PLSCR5: variants seen among roughly 807,000 people sequenced by gnomAD.
PLSCR5 encodes the protein phospholipid scramblase family member 5.
PLSCR5 carries 44 observed loss-of-function variants against 33.6 expected under a neutral mutation model. The observed-to-expected ratio is 1.31, with a 90% CI of 1.03 to 1.69. The LOEUF (loss-of-function observed/expected upper bound fraction) is 1.69, where lower values mean the gene tolerates loss of function less well. Among genes scored for constraint, PLSCR5 ranks in the 40% most tolerant of loss-of-function variants. PLSCR5 has a pLI of 0.00. For missense variants in PLSCR5, 375 were observed against 318.7 expected, an observed-to-expected ratio of 1.18 and a Z score of -1.34; for synonymous variants, 148 against 112.3, an observed-to-expected ratio of 1.32 and a Z score of -2.01.
At position 146,586,322 on chromosome 3, in the gene PLSCR5, A is replaced by G. The variant is rs144017577; in HGVS notation, c.778-210T>C. Reference sequence around the variant, plus strand: ...AATTTTCAGAGTATAAGTAACTTAGAAACCCTATCTGAATCTGCATGGTAT... The same window carrying G: ...AATTTTCAGAGTATAAGTAACTTAGGAACCCTATCTGAATCTGCATGGTAT... On this transcript the variant is annotated intron_variant, in intron 6 of 7. Transcript: ENST00000443512. Among the ~76,000 whole-genome samples the G allele has an allele frequency of 6.3e-3, 964 of 152,316 alleles. 7 individuals carry two copies. Among genetic ancestry groups the G allele is most frequent in the African/African-American group, 0.022 (925 of 41,578 alleles).
Position 146,589,946 on chromosome 3 carries a change from T to C in PLSCR5, c.616-132A>G, listed in dbSNP as rs1466548425. 1.5e-5 allele frequency: 8 copies of C among 545,220 alleles called. No homozygotes were observed. The Admixed American group carries it at 3.0e-4, about 20-fold the overall frequency. The allele number at this position is 545,220 out of a possible 1,614,324, so 33.8% of individuals were successfully genotyped here. On this transcript the variant is annotated intron_variant, in intron 5 of 7. Coordinates refer to ENST00000443512, the MANE Select transcript of PLSCR5 (RefSeq NM_001085420.2). ...CTTCAAAATGACAATTCCATGTTAT[T>C]CATTCCATCATATAAGCATAGGTTT...
chr3:146,605,228 A>G lies in PLSCR5; in HGVS notation c.-16T>C. 1 of 1,611,418 alleles carries G rather than the reference A, an allele frequency of 6.2e-7. No homozygotes were observed. Among genetic ancestry groups the G allele is most frequent in the Non-Finnish European group, 8.5e-7 (1 of 1,178,264 alleles). On this transcript the variant is annotated 5_prime_UTR_variant, in exon 1 of 8. Transcript: ENST00000443512. ...TAGAGGCCATGAAGATGTCTGAGTCACTTCTTCAAAGGTTGCCAGGTTGGA... is the reference window on the plus strand; with the variant it reads ...TAGAGGCCATGAAGATGTCTGAGTCGCTTCTTCAAAGGTTGCCAGGTTGGA...
intron 7 of PLSCR5, among the ~76,000 whole-genome samples, chr3:146,580,372 T>TC (rs11433814): frequency 0.68 from 98,019 of 143,704 alleles, 31,956 homozygotes; most frequent in African/African-American, 0.72. Flanking sequence ...TTTCTCTCTC[T>TC]TCTTGTTTAC....
At chr3:146,592,395 A>G (rs911708189) in intron 4 of PLSCR5, among the ~76,000 whole-genome samples, 1 of 152,090 alleles carries the variant, frequency 6.6e-6, no homozygotes, top group African/African-American at 2.4e-5. Context: ...GTCATTAAAC[A>G]CCAGTTTGAT....
chr3:146,592,478 T>C (rs1199599101), intron 4 of PLSCR5, among the ~76,000 whole-genome samples: 1 of 152,142 alleles, frequency 6.6e-6, no homozygotes, highest in African/African-American at 2.4e-5. Context: ...TACTTTAGCA[T>C]TTGACTCCAT....
intron 1 of PLSCR5, among the ~76,000 whole-genome samples, chr3:146,603,503 C>T (rs1032483544): frequency 2.0e-5 from 3 of 152,060 alleles, no homozygotes; most frequent in Non-Finnish European, 4.4e-5. Flanking sequence ...AGTTTTGCTT[C>T]TAAGTTTAGA....
At chr3:146,589,878 G>T in intron 5 of PLSCR5, 64 bp from the exon 6 acceptor site, 3 of 1,069,028 alleles carry the variant, frequency 2.8e-6, no homozygotes, top group Non-Finnish European at 3.9e-6. Flanking sequence ...ATACTTCTGA[G>T]GGTGTTTACT....
chr3:146,585,116 C>A (rs565154972), downstream of PLSCR5, among the ~76,000 whole-genome samples: 3 of 151,990 alleles, frequency 2.0e-5, no homozygotes, highest in Non-Finnish European at 4.4e-5. Flanking sequence ...GGATAGTAAT[C>A]AGGAAAACTC....
At chr3:146,599,375 G>A (rs1194256083) in intron 2 of PLSCR5, among the ~76,000 whole-genome samples, 1 of 152,028 alleles carries the variant, frequency 6.6e-6, no homozygotes, top group African/African-American at 2.4e-5. Flanking sequence ...AGATTCAGTT[G>A]AAGACATTGA....
chr3:146,583,453 A>G (rs1235305464), downstream of PLSCR5, among the ~76,000 whole-genome samples: 7 of 152,186 alleles, frequency 4.6e-5, no homozygotes, highest in Admixed American at 2.6e-4. Flanking sequence ...GCAGTAGTGC[A>G]CTAGGAAACA....
Position 146,585,918 on chromosome 3 carries a change from A to G in PLSCR5, c.*69T>C. Reference sequence around the variant, plus strand: ...AAGCAAACATTCAAACCATTCAGAAATGAAATCCAGAGCCCAAGGGATTTC... The same window carrying G: ...AAGCAAACATTCAAACCATTCAGAAGTGAAATCCAGAGCCCAAGGGATTTC... On this transcript the variant is annotated 3_prime_UTR_variant, in exon 8 of 8. Coordinates refer to ENST00000443512, the MANE Select transcript of PLSCR5 (RefSeq NM_001085420.2). 1.4e-6 allele frequency: 1 copy of G among 722,734 alleles called. No homozygotes were observed. The highest frequency in any genetic ancestry group is 1.9e-5 in the African/African-American group (1 of 52,772). 44.8% of individuals were successfully genotyped at this position (722,734 alleles called of 1,614,324 possible).
chr3:146,599,927 A>AG (rs1479765303), intron 2 of PLSCR5, among the ~76,000 whole-genome samples: 3 of 151,892 alleles, frequency 2.0e-5, no homozygotes, highest in African/African-American at 7.3e-5. Context: ...GGCTCCCAAA[A>AG]TGCTGGGATT....
intron 7 of PLSCR5, among the ~76,000 whole-genome samples, chr3:146,579,589 A>C (rs1234289933): frequency 6.6e-6 from 1 of 152,168 alleles, no homozygotes. Context: ...GATTTATCTA[A>C]CAAGTTTTAG....
intron 7 of PLSCR5, among the ~76,000 whole-genome samples, chr3:146,579,229 T>C (rs565063323): frequency 6.6e-6 from 1 of 152,194 alleles, no homozygotes; most frequent in South Asian, 2.1e-4. Flanking sequence ...AAACACAATG[T>C]AAGGAGAAAT....
At chr3:146,599,559 G>T in intron 2 of PLSCR5, among the ~76,000 whole-genome samples, 1 of 147,930 alleles carries the variant, frequency 6.8e-6, no homozygotes, top group African/African-American at 2.5e-5. Context: ...CAGAACTTTT[G>T]GGTAAGAGGG....
At chr3:146,593,281 G>A (rs901450795) in intron 4 of PLSCR5, among the ~76,000 whole-genome samples, 3 of 152,162 alleles carry the variant, frequency 2.0e-5, no homozygotes, top group Non-Finnish European at 2.9e-5. Context: ...TCTTGCTCAT[G>A]AGTAGAATAT....
intron 5 of PLSCR5, 148 bp downstream of exon 5, chr3:146,591,572 A>T: frequency 1.1e-6 from 1 of 873,290 alleles, no homozygotes; most frequent in Non-Finnish European, 1.7e-6. Flanking sequence ...CTTAGCATGT[A>T]CAATATGGGC....
At chr3:146,594,229 A>G (rs1048741111) in intron 3 of PLSCR5, 89 bp from the exon 4 acceptor site, 7 of 905,204 alleles carry the variant, frequency 7.7e-6, no homozygotes, top group Non-Finnish European at 1.2e-5. Flanking sequence ...AAAAGAATAC[A>G]GTGTCTGATC....
chr3:146,591,805 G>A lies in PLSCR5; in HGVS notation c.530C>T (p.Thr177Ile). 1 of 1,612,286 alleles carries A rather than the reference G, an allele frequency of 6.2e-7. No individual in the cohort carries two copies. The highest frequency in any genetic ancestry group is 1.1e-5 in the South Asian group (1 of 90,806). Residue 177 changes from threonine (T) to isoleucine (I), a missense_variant, in exon 5 of 8, where the codon ACA (threonine) becomes ATA (isoleucine). Thr to Ile is a moderately conservative substitution (Grantham distance 89). Transcript: ENST00000443512. ...QKWDPFLPKF[T>I]IQNANKEDIL... Reference sequence around the variant, plus strand: ...ATCTTCTTTGTTTGCATTTTGGATTGTGAATTTAGGCAGAAAGGGGTCCCA... The same window carrying A: ...ATCTTCTTTGTTTGCATTTTGGATTATGAATTTAGGCAGAAAGGGGTCCCA...
Sources: allele counts gnomAD v4.1 joint callset (sites outside exome capture counted in the v4.1 genomes callset), GRCh38; gene constraint gnomAD v4.1.1; transcripts MANE v1.5; gene names NCBI Gene and HGNC (gene_info 2026-07-23, HGNC 2026-07-21).